Variants in ZNF407 observed in about 807,000 individuals in gnomAD.
ZNF407 encodes the protein zinc finger protein 407.
A neutral mutation model predicts 131.2 loss-of-function variants in ZNF407; 17 were observed. The observed-to-expected ratio is 0.13, with a 90% CI of 0.09 to 0.19. The LOEUF is 0.19. Ranked by LOEUF, ZNF407 falls within the 10% of genes least tolerant of loss-of-function variation. The pLI is 1.00. For synonymous variants in ZNF407, 1,156 were observed against 1,062.0 expected (o/e 1.09, Z -1.72); for missense variants, 2,681 against 2,830.6 (o/e 0.95, Z 1.20).
chr18:74,948,212 G>A (rs1245350418), intron 8 of ZNF407, among the ~76,000 whole-genome samples: 1 of 152,158 alleles, frequency 6.6e-6, no homozygotes, highest in Non-Finnish European at 1.5e-5. Flanking sequence ...TTTGTACAGC[G>A]ATTGTCTTTA....
chr18:74,664,708 C>T (rs1436097855), intron 3 of ZNF407, among the ~76,000 whole-genome samples: 4 of 152,086 alleles, frequency 2.6e-5, no homozygotes, highest in Admixed American at 6.6e-5. Flanking sequence ...CTCTGTCTCT[C>T]TCTCTCTTTC....
intron 4 of ZNF407, among the ~76,000 whole-genome samples, chr18:74,814,819 G>T (rs1434080775): frequency 6.6e-6 from 1 of 151,976 alleles, no homozygotes; most frequent in African/African-American, 2.4e-5. Flanking sequence ...AATAATATGA[G>T]TGGTCTCTAT....
intron 1 of ZNF407, among the ~76,000 whole-genome samples, chr18:74,612,261 C>T (rs983764421): frequency 1.3e-5 from 2 of 151,958 alleles, no homozygotes; most frequent in Non-Finnish European, 2.9e-5. Context: ...ACATGCAAGA[C>T]TCAAGTCGGT....
At chr18:74,606,245 T>G (rs1048605254) in intron 1 of ZNF407, among the ~76,000 whole-genome samples, 1 of 152,102 alleles carries the variant, frequency 6.6e-6, no homozygotes, top group Non-Finnish European at 1.5e-5. Flanking sequence ...GTGAAAAAAA[T>G]GCAGCAATTG....
Position 74,688,699 on chromosome 18 carries a change from ATGT to A in ZNF407, c.4802+47581_4802+47583del, listed in dbSNP as rs374883813. ...ATTTATTTTGAGTTAATTTTTGAAAATGTTGTGTGAAGAATGGATCACTTTTTT... is the reference window on the plus strand; with the variant it reads ...ATTTATTTTGAGTTAATTTTTGAAAATGTGTGAAGAATGGATCACTTTTTT... On this transcript the variant is annotated intron_variant, in intron 3 of 8. Coordinates refer to ENST00000299687, the MANE Select transcript of ZNF407 (RefSeq NM_017757.3). Among the ~76,000 whole-genome samples, 21 of 152,274 alleles carry A rather than the reference ATGT, an allele frequency of 1.4e-4. No individual in the cohort carries two copies. In the East Asian group the frequency reaches 1.9e-3, roughly 14 times the overall value.
chr18:74,603,839 C>A (rs537393671), intron 1 of ZNF407, among the ~76,000 whole-genome samples: 28 of 152,210 alleles, frequency 1.8e-4, no homozygotes, highest in African/African-American at 6.0e-4. Flanking sequence ...TCCAGTGTTA[C>A]CTCAACTATG....
chr18:74,675,000 G>A (rs1568160139), intron 3 of ZNF407, among the ~76,000 whole-genome samples: 1 of 152,122 alleles, frequency 6.6e-6, no homozygotes, highest in Non-Finnish European at 1.5e-5. Context: ...ATGTTGGTTT[G>A]TGTTTTCTGA....
At chr18:74,879,191 T>C (rs1406316313) in intron 5 of ZNF407, among the ~76,000 whole-genome samples, 2 of 152,194 alleles carry the variant, frequency 1.3e-5, no homozygotes, top group African/African-American at 4.8e-5. Flanking sequence ...TCTATGCTTG[T>C]TCATGTTTCT....
chr18:74,923,753 A>C (rs1971876820), intron 8 of ZNF407, among the ~76,000 whole-genome samples: 1 of 152,208 alleles, frequency 6.6e-6, no homozygotes, highest in African/African-American at 2.4e-5. Flanking sequence ...AATATTTCTT[A>C]GTAGCAATAT....
At chr18:74,689,810 G>T (rs1034074587) in intron 3 of ZNF407, among the ~76,000 whole-genome samples, 1 of 152,118 alleles carries the variant, frequency 6.6e-6, no homozygotes, top group African/African-American at 2.4e-5. Flanking sequence ...TCAGAGATGC[G>T]GTATTTGTAG....
chr18:74,814,374 C>G (rs2145092871), intron 4 of ZNF407, among the ~76,000 whole-genome samples: 1 of 152,312 alleles, frequency 6.6e-6, no homozygotes, highest in Non-Finnish European at 1.5e-5. Flanking sequence ...ATCCTCCTGC[C>G]TCAGCCTCCC....
chr18:74,750,380 T>C (rs1968772286), intron 3 of ZNF407, among the ~76,000 whole-genome samples: 2 of 152,184 alleles, frequency 1.3e-5, no homozygotes, highest in Non-Finnish European at 2.9e-5. Context: ...GGGAAAGTCA[T>C]TTACTTTTTA....
rs1443810447 is a variant in ZNF407, at chr18:74,891,846, T to C, written c.5249+1808T>C. The stretch of plus-strand genomic sequence containing the variant: ...TCTTAGGATTATACCCATTCAGTTT[T>C]TACTCTATGCATAAGGTTTTTATTA... On this transcript the variant is annotated intron_variant, in intron 7 of 8. Coordinates refer to ENST00000299687, the MANE Select transcript of ZNF407 (RefSeq NM_017757.3). 1.1e-4 allele frequency among the ~76,000 whole-genome samples: 17 copies of C among 152,182 alleles called. 1 individual carries two copies. Among genetic ancestry groups the C allele is most frequent in the Admixed American group, 1.1e-3 (17 of 15,272 alleles).
chr18:74,906,207 G>A (rs528253162), intron 7 of ZNF407, among the ~76,000 whole-genome samples: 2 of 152,218 alleles, frequency 1.3e-5, no homozygotes, highest in South Asian at 4.2e-4. Flanking sequence ...TCTGGTGTTT[G>A]TAAAGAATAA....
intron 3 of ZNF407, among the ~76,000 whole-genome samples, chr18:74,746,105 G>T (rs1170858189): frequency 6.6e-6 from 1 of 152,148 alleles, no homozygotes; most frequent in African/African-American, 2.4e-5. Context: ...CTCCTAGGCT[G>T]CAAACCTGTC....
At chr18:74,606,648 G>T (rs1392679940) in intron 1 of ZNF407, among the ~76,000 whole-genome samples, 1 of 152,048 alleles carries the variant, frequency 6.6e-6, no homozygotes, top group African/African-American at 2.4e-5. Flanking sequence ...GTCCTGAACT[G>T]TGGTGGAGTT....
intron 7 of ZNF407, chr18:74,905,844 C>T (rs556731057): frequency 2.0e-5 from 3 of 152,316 alleles, no homozygotes; most frequent in South Asian, 2.1e-4. Flanking sequence ...GATCCAGAAA[C>T]TCTCCAACTA....
At chr18:74,853,884 TTA>T (rs1970823334) in intron 4 of ZNF407, among the ~76,000 whole-genome samples, 2 of 152,182 alleles carry the variant, frequency 1.3e-5, no homozygotes, top group African/African-American at 4.8e-5. Context: ...CGAGCGGGGC[TTA>T]GATTATGTCA....
chr18:74,948,185 A>C (rs1213876764), intron 8 of ZNF407, among the ~76,000 whole-genome samples: 1 of 152,174 alleles, frequency 6.6e-6, no homozygotes, highest in Non-Finnish European at 1.5e-5. Flanking sequence ...CAGAAGAGCA[A>C]ATTCTTTTCA....
Sources: gnomAD v4.1 joint callset for allele counts (sites outside exome capture counted in the v4.1 genomes callset) on GRCh38, gnomAD v4.1.1 for gene constraint, MANE v1.5 for transcripts, NCBI Gene and HGNC (gene_info 2026-07-23, HGNC 2026-07-21) for gene names.